SWT1: variants seen among roughly 807,000 people sequenced by gnomAD.
The protein encoded by SWT1 is transcriptional protein SWT1.
A neutral mutation model predicts 107.3 loss-of-function variants in SWT1; 33 were observed. The ratio of observed to expected loss-of-function variants is 0.31; its 90% CI spans 0.23 to 0.41. The LOEUF (loss-of-function observed/expected upper bound fraction) is 0.41, where lower values mean the gene tolerates loss of function less well. Ranked by LOEUF, SWT1 falls within the 10% of genes least tolerant of loss-of-function variation. The probability of loss-of-function intolerance (pLI) is 1.00; values close to 1 mark genes in which losing one functional copy is unlikely to be tolerated. For synonymous variants in SWT1, 345 were observed against 348.3 expected (o/e 0.99, Z 0.11); for missense variants, 898 against 1,028.9 (o/e 0.87, Z 1.74).
intron 17 of SWT1, among the ~76,000 whole-genome samples, chr1:185,273,462 G>T (rs1347649492): frequency 6.6e-6 from 1 of 151,654 alleles, no homozygotes; most frequent in Non-Finnish European, 1.5e-5. Context: ...CAGCACTTTG[G>T]GAGGCTGAGG....
intron 13 of SWT1, 137 bp downstream of exon 13, chr1:185,206,900 G>A: frequency 1.6e-6 from 1 of 621,616 alleles, no homozygotes. Flanking sequence ...ATTTATAAAG[G>A]TATTTGTGGA....
At chr1:185,189,351 C>T (rs1028326040) in intron 9 of SWT1, among the ~76,000 whole-genome samples, 1 of 152,052 alleles carries the variant, frequency 6.6e-6, no homozygotes, top group Non-Finnish European at 1.5e-5. Context: ...CAGAGGGTAC[C>T]CTGTCAGCAG....
intron 16 of SWT1, among the ~76,000 whole-genome samples, chr1:185,269,377 T>G (rs890186693): frequency 3.3e-5 from 5 of 151,502 alleles, no homozygotes; most frequent in Non-Finnish European, 7.4e-5. Context: ...GTTTTTGTTT[T>G]TTTTTTTTTT....
At chr1:185,209,292 A>G (rs950667190) in intron 13 of SWT1, among the ~76,000 whole-genome samples, 2 of 152,030 alleles carry the variant, frequency 1.3e-5, no homozygotes, top group Admixed American at 6.6e-5. Context: ...GGTCTGTTAC[A>G]TAGGTATACA....
At chr1:185,229,636 A>C (rs1431565358) in intron 15 of SWT1, among the ~76,000 whole-genome samples, 1 of 151,686 alleles carries the variant, frequency 6.6e-6, no homozygotes, top group East Asian at 1.9e-4. Flanking sequence ...CTCTCTCACA[A>C]CCACACCTCC....
At chr1:185,279,378 G>T (rs181159741) in intron 18 of SWT1, among the ~76,000 whole-genome samples, 6 of 152,060 alleles carry the variant, frequency 3.9e-5, no homozygotes, top group African/African-American at 1.4e-4. Context: ...CAGGAGTCAG[G>T]TCAAATGTTC....
intron 16 of SWT1, among the ~76,000 whole-genome samples, chr1:185,259,909 T>A (rs1175758448): frequency 4.6e-5 from 7 of 152,218 alleles, no homozygotes; most frequent in Admixed American, 4.6e-4. Flanking sequence ...GATACCCTGA[T>A]GACCTTGATT....
At chr1:185,269,379 T>TG (rs200741682) in intron 16 of SWT1, among the ~76,000 whole-genome samples, 2 of 151,538 alleles carry the variant, frequency 1.3e-5, no homozygotes, top group Non-Finnish European at 2.9e-5. Flanking sequence ...TTTTGTTTTT[T>TG]TTTTTTTTTG....
Position 185,190,633 on chromosome 1 carries a change from T to C in SWT1, c.1514T>C (p.Ile505Thr). Residue 505 changes from isoleucine (I) to threonine (T), a missense_variant, in exon 10 of 19, where the codon ATT (isoleucine) becomes ACT (threonine). Ile to Thr is a moderately conservative substitution (Grantham distance 89, BLOSUM62 -1). Around this residue, in one of 6 missense-constraint regions of SWT1, gnomAD observed 382 missense variants for 460.0 expected, o/e 0.83. Transcript: ENST00000367500. ...GAATTATTCCCTTGTTCTTTTGTTA[T>C]TCTGTGCACGTGAGTTTCATAGTCA... ...HQELFPCSFV[I>T]LCTDDRNLRN... The C allele has an allele frequency of 6.3e-7, 1 of 1,596,918 alleles. No individual in the cohort carries two copies. The highest frequency in any genetic ancestry group is 8.6e-7 in the Non-Finnish European group (1 of 1,164,984).
Position 185,204,786 on chromosome 1 carries a change from G to T in SWT1, c.1756G>T (p.Glu586Ter). The change falls in exon 12 of 19, where the codon GAA (glutamate) becomes TAA (stop). Residue 586 changes from glutamate to a stop codon, truncating the protein, a stop_gained. Coordinates refer to ENST00000367500, the MANE Select transcript of SWT1 (RefSeq NM_017673.7). LOFTEE classifies it high-confidence loss of function. Reference sequence around the variant, plus strand: ...GCTTGAGAGCATTGTATCTGATCTTGAAAAATCTCTTGGAACAGGTTTATC... The same window carrying T: ...GCTTGAGAGCATTGTATCTGATCTTTAAAAATCTCTTGGAACAGGTTTATC... Reference protein sequence around the residue: ...ILLESIVSDLEKSLGTGLSSI... With the variant: ...ILLESIVSDL The T allele has an allele frequency of 6.3e-7, 1 of 1,595,724 alleles. No homozygotes were observed. Among genetic ancestry groups the T allele is most frequent in the African/African-American group, 1.4e-5 (1 of 73,886 alleles).
intron 1 of SWT1, among the ~76,000 whole-genome samples, chr1:185,159,148 C>T (rs1166045280): frequency 6.6e-6 from 1 of 152,152 alleles, no homozygotes; most frequent in African/African-American, 2.4e-5. Context: ...AGCCACATAC[C>T]ACTATGTAGC....
At chr1:185,166,060 G>A (rs891172084) in intron 2 of SWT1, among the ~76,000 whole-genome samples, 4 of 151,726 alleles carry the variant, frequency 2.6e-5, no homozygotes, top group Non-Finnish European at 5.9e-5. Flanking sequence ...CCACAGCATC[G>A]TCTGACACAC....
intron 18 of SWT1, among the ~76,000 whole-genome samples, chr1:185,287,970 A>G (rs1428035788): frequency 1.3e-5 from 2 of 152,214 alleles, no homozygotes; most frequent in East Asian, 3.8e-4. Context: ...AACATAAGAC[A>G]CAGAAATAGA....
chr1:185,242,816 A>G (rs1055038497), intron 16 of SWT1, among the ~76,000 whole-genome samples: 3 of 152,200 alleles, frequency 2.0e-5, no homozygotes, highest in African/African-American at 7.2e-5. Context: ...ATATTTAATT[A>G]AAATTCCTTG....
intron 10 of SWT1, among the ~76,000 whole-genome samples, chr1:185,197,958 G>GT (rs1399155441): frequency 6.6e-6 from 1 of 152,096 alleles, no homozygotes; most frequent in Non-Finnish European, 1.5e-5. Flanking sequence ...TGTGATCTTA[G>GT]TTATTTCTTT....
chr1:185,258,933 A>G (rs943856856), intron 16 of SWT1, among the ~76,000 whole-genome samples: 1 of 151,874 alleles, frequency 6.6e-6, no homozygotes, highest in African/African-American at 2.4e-5. Flanking sequence ...TGGAATTCCT[A>G]TTCCTGGCTC....
intron 15 of SWT1, chr1:185,227,101 T>A (rs1660127460): frequency 1.6e-6 from 2 of 1,215,662 alleles, no homozygotes; most frequent in African/African-American, 1.5e-5. Context: ...TTCTGGCCCA[T>A]GATGTGCTTC....
At chr1:185,235,461 C>A (rs1660799265) in intron 16 of SWT1, among the ~76,000 whole-genome samples, 1 of 152,158 alleles carries the variant, frequency 6.6e-6, no homozygotes, top group African/African-American at 2.4e-5. Flanking sequence ...AAGACAAAAA[C>A]CACATGATTA....
chr1:185,212,236 A>G (rs1225595168), intron 13 of SWT1, among the ~76,000 whole-genome samples: 1 of 152,164 alleles, frequency 6.6e-6, no homozygotes, highest in African/African-American at 2.4e-5. Context: ...TAAAGCATGT[A>G]GAATCTCTTT....
Sources: allele counts gnomAD v4.1 joint callset (sites outside exome capture counted in the v4.1 genomes callset), GRCh38; gene constraint gnomAD v4.1.1; regional missense constraint gnomAD v4.1.1; transcripts MANE v1.5; gene names NCBI Gene and HGNC (gene_info 2026-07-23, HGNC 2026-07-21).